The following FMNL2 variants were observed in gnomAD, a reference collection of about 807,000 sequenced individuals.
FMNL2 encodes the protein formin-like protein 2.
Under a neutral mutation model 130.2 loss-of-function variants are expected in FMNL2, and 51 were observed. The observed-to-expected ratio is 0.39, with a 90% CI of 0.31 to 0.49. The LOEUF is 0.49. Ranked by LOEUF, FMNL2 falls within the 20% of genes least tolerant of loss-of-function variation. FMNL2 has a pLI of 0.85. For missense variants in FMNL2, 977 were observed against 1,316.2 expected, an observed-to-expected ratio of 0.74 and a Z score of 3.99; for synonymous variants, 465 against 467.1, an observed-to-expected ratio of 1.00 and a Z score of 0.06.
At chr2:152,449,506 C>G (rs1381244362) in intron 1 of FMNL2, among the ~76,000 whole-genome samples, 1 of 152,118 alleles carries the variant, frequency 6.6e-6, no homozygotes, top group African/African-American at 2.4e-5. Flanking sequence ...TGCAGGGAAG[C>G]ACCGGTCAAG....
chr2:152,600,549 T>C (rs989141876), intron 9 of FMNL2, among the ~76,000 whole-genome samples: 4 of 151,948 alleles, frequency 2.6e-5, no homozygotes, highest in African/African-American at 9.7e-5. Flanking sequence ...ATACCCAAGG[T>C]TTTTGTAAAA....
chr2:152,362,277 C>G (rs1245936482), intron 1 of FMNL2, among the ~76,000 whole-genome samples: 1 of 152,102 alleles, frequency 6.6e-6, no homozygotes, highest in African/African-American at 2.4e-5. Flanking sequence ...CATTCTAAAT[C>G]ATTTCTTAGG....
intron 9 of FMNL2, among the ~76,000 whole-genome samples, chr2:152,588,989 T>C (rs1697236206): frequency 6.6e-6 from 1 of 151,986 alleles, no homozygotes; most frequent in Non-Finnish European, 1.5e-5. Context: ...TTACCATTCA[T>C]ATTTCTCATT....
chr2:152,605,907 A>G (rs761915710), intron 9 of FMNL2, among the ~76,000 whole-genome samples: 4 of 152,190 alleles, frequency 2.6e-5, no homozygotes. Context: ...ATGCTTCATC[A>G]TGGAGAACAG....
intron 21 of FMNL2, among the ~76,000 whole-genome samples, chr2:152,635,552 A>G (rs1022864450): frequency 6.6e-6 from 1 of 152,262 alleles, no homozygotes; most frequent in Admixed American, 6.5e-5. Flanking sequence ...ACATAACCAC[A>G]TTGATTTAAG....
At chr2:152,387,529 T>C (rs926885068) in intron 1 of FMNL2, among the ~76,000 whole-genome samples, 1 of 152,262 alleles carries the variant, frequency 6.6e-6, no homozygotes. Context: ...TTATGACTTA[T>C]CAAGGGGAAA....
chr2:152,497,247 G>A (rs1165226273), intron 1 of FMNL2, among the ~76,000 whole-genome samples: 3 of 152,102 alleles, frequency 2.0e-5, no homozygotes, highest in Non-Finnish European at 4.4e-5. Context: ...TACACACATA[G>A]TAGTTTTCAG....
intron 1 of FMNL2, among the ~76,000 whole-genome samples, chr2:152,441,158 GAA>G (rs1031517855): frequency 1.1e-4 from 17 of 152,256 alleles, no homozygotes; most frequent in African/African-American, 3.4e-4. Context: ...TGCTTATTTT[GAA>G]AATGAGACAA....
At chr2:152,610,088 G>A (rs6741131) in intron 10 of FMNL2, among the ~76,000 whole-genome samples, 18,781 of 152,172 alleles carry the variant, frequency 0.12, 1,327 homozygotes, top group Admixed American at 0.24. Context: ...ATGCAAACTC[G>A]TTGATTATAT....
intron 1 of FMNL2, among the ~76,000 whole-genome samples, chr2:152,425,858 C>T (rs1378602217): frequency 6.6e-6 from 1 of 152,170 alleles, no homozygotes; most frequent in Admixed American, 6.6e-5. Flanking sequence ...CTTCCCCCAT[C>T]CCATCTCTCT....
intron 2 of FMNL2, among the ~76,000 whole-genome samples, chr2:152,522,927 T>C (rs1693174212): frequency 6.6e-6 from 1 of 152,194 alleles, no homozygotes; most frequent in Non-Finnish European, 1.5e-5. Flanking sequence ...AAAATATTAC[T>C]ACCAACCTTA....
chr2:152,390,622 C>T (rs1186552884), intron 1 of FMNL2: 2 of 988,914 alleles, frequency 2.0e-6, no homozygotes, highest in East Asian at 4.8e-5. Context: ...TTTTCCAAGG[C>T]CAAATTCAAC....
chr2:152,635,706 T>C (rs1411753393), intron 21 of FMNL2, among the ~76,000 whole-genome samples: 1 of 152,082 alleles, frequency 6.6e-6, no homozygotes, highest in Non-Finnish European at 1.5e-5. Context: ...CAGGAGGCTG[T>C]GGGGGAGTGC....
chr2:152,552,603 AT>A (rs58531379), intron 4 of FMNL2, among the ~76,000 whole-genome samples: 27,956 of 152,128 alleles, frequency 0.18, 2,800 homozygotes, highest in African/African-American at 0.24. Context: ...AAGAAAATTA[AT>A]TTTCTTTGAG....
chr2:152,619,765 T>C (rs1699153949), intron 15 of FMNL2, 47 bp downstream of exon 15: 1 of 1,575,206 alleles, frequency 6.3e-7, no homozygotes, highest in Non-Finnish European at 8.6e-7. Context: ...AGAAATGCTG[T>C]CTTATCTCGG....
chr2:152,345,650 AG>A (rs575524256), intron 1 of FMNL2, among the ~76,000 whole-genome samples: 67 of 152,338 alleles, frequency 4.4e-4, no homozygotes, highest in African/African-American at 1.5e-3. Context: ...TTGACTAATC[AG>A]GGTTCTTTAT....
In FMNL2 at chr2:152,335,579, C is replaced by G; in HGVS notation, c.-25C>G. The G allele has an allele frequency of 6.4e-7, 1 of 1,561,918 alleles. No individual in the cohort carries two copies. The highest frequency in any genetic ancestry group is 1.1e-5 in the South Asian group (1 of 88,530). On this transcript the variant is annotated 5_prime_UTR_variant, in exon 1 of 26. Transcript: ENST00000288670. ...CGCGCACGCTAGGGGCCCGGAGCAG[C>G]CCCCGGCCCCGGCGCGCCGCCGACA...
chr2:152,579,019 T>G lies in FMNL2; in HGVS notation c.782+55T>G. 2 of 1,395,862 alleles carry G rather than the reference T, an allele frequency of 1.4e-6. 1 individual carries two copies. The highest frequency in any genetic ancestry group is 2.5e-5 in the South Asian group (2 of 80,960). The allele number at this position is 1,395,862 out of a possible 1,614,324, so 86.5% of individuals were successfully genotyped here. ...AATCTATCTAGAGAAAACAGAGGGC[T>G]AGTCAACACTTAACCAAGTTTGACT... On this transcript the variant is annotated intron_variant, in intron 8 of 25. Coordinates refer to ENST00000288670, the MANE Select transcript of FMNL2 (RefSeq NM_052905.4).
Position 152,607,986 on chromosome 2 carries a change from G to A in FMNL2, c.951+573G>A, listed in dbSNP as rs550494341. Among the ~76,000 whole-genome samples the A allele has an allele frequency of 2.6e-5, 4 of 152,152 alleles. No individual in the cohort carries two copies. The East Asian group carries it at 5.8e-4, about 22-fold the overall frequency. ...GGTTAGGTGACATACAAGAACATGC[G>A]GTTCCACAGCAGTCCTGTCATTCTC... On this transcript the variant is annotated intron_variant, in intron 10 of 25. Coordinates refer to ENST00000288670, the MANE Select transcript of FMNL2 (RefSeq NM_052905.4).
Sources: allele counts gnomAD v4.1 joint callset (sites outside exome capture counted in the v4.1 genomes callset), GRCh38; gene constraint gnomAD v4.1.1; transcripts MANE v1.5; gene names NCBI Gene and HGNC (gene_info 2026-07-23, HGNC 2026-07-21).